ZSWIM4: variants seen among roughly 807,000 people sequenced by gnomAD.
ZSWIM4 encodes the protein zinc finger SWIM domain-containing protein 4.
A neutral mutation model predicts 102.5 loss-of-function variants in ZSWIM4; 62 were observed. That is an observed-to-expected ratio of 0.60 (90% CI 0.49 to 0.75). The LOEUF (loss-of-function observed/expected upper bound fraction) is 0.75. Among genes scored for constraint, ZSWIM4 ranks in the 30% least tolerant of loss-of-function variants. The pLI is 0.00. For synonymous variants in ZSWIM4, 652 were observed against 674.5 expected, an observed-to-expected ratio of 0.97 and a Z score of 0.52; for missense variants, 1,280 against 1,529.6, an observed-to-expected ratio of 0.84 and a Z score of 2.72.
At chr19:13,797,105 A>G (rs1182340329) in intron 1 of ZSWIM4, among the ~76,000 whole-genome samples, 1 of 152,182 alleles carries the variant, frequency 6.6e-6, no homozygotes, top group Non-Finnish European at 1.5e-5. Flanking sequence ...GCCTCCCACA[A>G]ACCTGCCCTG....
At chr19:13,821,548 C>CT (rs1052393632) in intron 10 of ZSWIM4, among the ~76,000 whole-genome samples, 7 of 151,926 alleles carry the variant, frequency 4.6e-5, no homozygotes, top group South Asian at 2.1e-4. Flanking sequence ...CCATCTCTCT[C>CT]TTTTTTTTGT....
At chr19:13,800,439 G>GT (rs1205973811) in intron 2 of ZSWIM4, among the ~76,000 whole-genome samples, 33 of 151,808 alleles carry the variant, frequency 2.2e-4, no homozygotes, top group African/African-American at 7.7e-4. Flanking sequence ...CTAATTTTTT[G>GT]TATTTTTAGT....
chr19:13,802,450 C>T (rs1052438126), intron 2 of ZSWIM4, among the ~76,000 whole-genome samples: 17 of 151,710 alleles, frequency 1.1e-4, no homozygotes, highest in South Asian at 4.2e-4. Context: ...TGTGGTGGCA[C>T]ATGCCTGTAA....
intron 12 of ZSWIM4, among the ~76,000 whole-genome samples, chr19:13,827,616 A>T (rs1320489186): frequency 6.6e-6 from 1 of 151,558 alleles, no homozygotes; most frequent in African/African-American, 2.4e-5. Flanking sequence ...AAGAAAAGAA[A>T]AAAAAAGAAA....
At position 13,814,885 on chromosome 19, in the gene ZSWIM4, G is replaced by C; in HGVS notation, c.1531+20G>C. 2 of 1,210,688 alleles carry C rather than the reference G, an allele frequency of 1.7e-6. No individual in the cohort carries two copies. The highest frequency in any genetic ancestry group is 2.1e-6 in the Non-Finnish European group (2 of 938,378). The allele number at this position is 1,210,688 out of a possible 1,614,324, so 75.0% of individuals were successfully genotyped here. ...AAAAAGGTCAGCCTCAGCCGGGCACGGGGGCTCGCACCTGTGATCCCAGCA... is the reference window on the plus strand; with the variant it reads ...AAAAAGGTCAGCCTCAGCCGGGCACCGGGGCTCGCACCTGTGATCCCAGCA... On this transcript the variant is annotated intron_variant, in intron 7 of 13. Transcript: ENST00000590508.
At chr19:13,819,257 G>A in intron 9 of ZSWIM4, 100 bp from the exon 10 acceptor site, 2 of 1,516,540 alleles carry the variant, frequency 1.3e-6, no homozygotes, top group Non-Finnish European at 1.8e-6. Flanking sequence ...TCTACCCAGG[G>A]GCCAGCCCAC....
At chr19:13,798,061 G>A (rs1190491726) in intron 1 of ZSWIM4, among the ~76,000 whole-genome samples, 2 of 152,250 alleles carry the variant, frequency 1.3e-5, no homozygotes, top group Non-Finnish European at 2.9e-5. Context: ...CTCACACTAG[G>A]TGGCTGTGAG....
At position 13,809,240 on chromosome 19, in the gene ZSWIM4, G is replaced by C. The variant is rs1304008719; in HGVS notation, c.1012+20G>C. 1.3e-6 allele frequency: 2 copies of C among 1,583,898 alleles called. No individual in the cohort carries two copies. ...AGCTGGGTGAGGCCCAAACCCCGGT[G>C]CGTGGTGGACACCGGGACTTCGGCT... is the stretch of plus-strand genomic sequence containing the variant. On this transcript the variant is annotated intron_variant, in intron 5 of 13. Coordinates refer to ENST00000590508, the MANE Select transcript of ZSWIM4 (RefSeq NM_001367834.3). The surrounding 1 kb of genome is among the most constrained non-coding windows in gnomAD (Gnocchi z 4.2).
Position 13,825,449 on chromosome 19 carries a change from G to A in ZSWIM4, c.2216-101G>A. On this transcript the variant is annotated intron_variant, in intron 11 of 13. Coordinates refer to ENST00000590508, the MANE Select transcript of ZSWIM4 (RefSeq NM_001367834.3). The surrounding 1 kb of genome is among the most constrained non-coding windows in gnomAD (Gnocchi z 4.6). ...TACACATCCCTCCACACTCACACAT[G>A]TGCCCCTGGGTGGAAGGATCTGTGT... The A allele has an allele frequency of 7.2e-7, 1 of 1,388,038 alleles. No individual in the cohort carries two copies. Among genetic ancestry groups the A allele is most frequent in the South Asian group, 1.3e-5 (1 of 76,626 alleles). 86.0% of individuals were successfully genotyped at this position (1,388,038 alleles called of 1,614,324 possible).
In ZSWIM4 at chr19:13,825,681, C is replaced by T. The variant is rs1359565503; in HGVS notation, c.2347C>T (p.Leu783=). 3 of 1,612,336 alleles carry T rather than the reference C, an allele frequency of 1.9e-6. No homozygotes were observed. Among genetic ancestry groups the T allele is most frequent in the Non-Finnish European group, 2.5e-6 (3 of 1,179,960 alleles). ...TPVSAPPDTT[L]LGIALELGLQ... ...GGTCAGCGCCCCACCAGACACCACG[C>T]TGCTGGGCATCGCACTGGAGCTGGG... The change falls in exon 12 of 14, where the codon CTG becomes TTG. Residue 783 remains leucine, a synonymous_variant. Coordinates refer to ENST00000590508, the MANE Select transcript of ZSWIM4 (RefSeq NM_001367834.3). This position sits in a 1 kb window ranked among gnomAD's most constrained non-coding sequence, Gnocchi z 4.6.
chr19:13,822,657 A>G (rs951906060), intron 10 of ZSWIM4, among the ~76,000 whole-genome samples: 3 of 152,182 alleles, frequency 2.0e-5, no homozygotes, highest in Non-Finnish European at 2.9e-5. Context: ...AGCCTGGCCA[A>G]CATGATGCAA....
chr19:13,807,787 A>G (rs113008000), intron 3 of ZSWIM4, among the ~76,000 whole-genome samples: 2 of 111,794 alleles, frequency 1.8e-5, no homozygotes, highest in African/African-American at 8.5e-5. Context: ...GGATGGATGG[A>G]TGGATGGGTG....
chr19:13,799,669 C>G, intron 1 of ZSWIM4, 51 bp from the exon 2 acceptor site: 2 of 1,570,208 alleles, frequency 1.3e-6, no homozygotes, highest in East Asian at 4.5e-5. Context: ...CTTCCCAAAG[C>G]GCTGGGATTA....
chr19:13,831,245 A>AG lies in ZSWIM4; in HGVS notation c.*196dup, dbSNP rs1364226610. 4.4e-6 allele frequency: 3 copies of AG among 679,876 alleles called. No individual in the cohort carries two copies. The African/African-American group carries it at 5.5e-5, about 13-fold the overall frequency. 42.1% of individuals were successfully genotyped at this position (679,876 alleles called of 1,614,324 possible). A position where few individuals can be genotyped will look rare whatever the true frequency, so the allele number is the denominator to read the frequency against. ...GTGAGCAAGTGTGCAAGACTCCAGAAGCAGAAGCCATACTGCCACCCAGAA... is the reference window on the plus strand; with the variant it reads ...GTGAGCAAGTGTGCAAGACTCCAGAAGGCAGAAGCCATACTGCCACCCAGAA... On this transcript the variant is annotated 3_prime_UTR_variant, in exon 14 of 14. Transcript: ENST00000590508.
chr19:13,798,697 C>A (rs945969881), intron 1 of ZSWIM4, among the ~76,000 whole-genome samples: 6 of 152,216 alleles, frequency 3.9e-5, no homozygotes, highest in African/African-American at 1.4e-4. Flanking sequence ...CCACTTTACA[C>A]CTGAGAATAC....
chr19:13,814,646 C>T lies in ZSWIM4; in HGVS notation c.1312C>T (p.Pro438Ser). ...GATCCTGGCCAGTGACTCCTACGGG[C>T]CCAGCCTCACAGGCAGCGTGGGTGG... Reference protein sequence around the residue: ...QRILASDSYGPSLTGSVGGDK... With the variant: ...QRILASDSYGSSLTGSVGGDK... The change falls in exon 7 of 14, where the codon CCC becomes TCC. Residue 438 changes from proline (P) to serine (S), a missense_variant. Coordinates refer to ENST00000590508, the MANE Select transcript of ZSWIM4 (RefSeq NM_001367834.3). The T allele has an allele frequency of 1.6e-6, 2 of 1,267,648 alleles. No homozygotes were observed. The highest frequency in any genetic ancestry group is 1.5e-5 in the African/African-American group (1 of 65,534). The allele number at this position is 1,267,648 out of a possible 1,614,324, so 78.5% of individuals were successfully genotyped here.
intron 10 of ZSWIM4, 62 bp from the exon 11 acceptor site, chr19:13,823,284 C>G: frequency 6.4e-7 from 1 of 1,550,578 alleles, no homozygotes; most frequent in Non-Finnish European, 8.8e-7. Context: ...GCTTCTCTGT[C>G]TCCTAGAGAG....
intron 5 of ZSWIM4, 30 bp from the exon 6 acceptor site, chr19:13,812,967 G>T (rs773391533): frequency 9.5e-6 from 15 of 1,572,530 alleles, no homozygotes; most frequent in Non-Finnish European, 8.7e-7. Context: ...CTGTTGGCAG[G>T]AATATTGAGC....
chr19:13,827,128 A>C (rs1599617505), intron 12 of ZSWIM4, among the ~76,000 whole-genome samples: 1 of 151,820 alleles, frequency 6.6e-6, no homozygotes, highest in Admixed American at 6.6e-5. Context: ...TCTACAAAAA[A>C]CTTTAAAAAT....
Sources: gnomAD v4.1 joint callset for allele counts (sites outside exome capture counted in the v4.1 genomes callset) on GRCh38, gnomAD v4.1.1 for gene constraint, Gnocchi (gnomAD v3.1) non-coding constraint, MANE v1.5 for transcripts, NCBI Gene and HGNC (gene_info 2026-07-23, HGNC 2026-07-21) for gene names.